ARHGEF18: variants seen among roughly 807,000 people sequenced by gnomAD.
ARHGEF18 encodes the protein Rho/Rac guanine nucleotide exchange factor 18.
A neutral mutation model predicts 155.7 loss-of-function variants in ARHGEF18; 93 were observed. That is an observed-to-expected ratio of 0.60 (90% CI 0.50 to 0.71). ARHGEF18 has a LOEUF of 0.71. Among genes scored for constraint, ARHGEF18 ranks in the 30% least tolerant of loss-of-function variants. ARHGEF18 has a pLI of 0.00. For missense variants in ARHGEF18, 1,593 were observed against 1,816.1 expected, an observed-to-expected ratio of 0.88 and a Z score of 2.23; for synonymous variants, 742 against 753.1, an observed-to-expected ratio of 0.99 and a Z score of 0.24.
chr19:7,418,398 A>G (rs957421771), intron 10 of ARHGEF18, among the ~76,000 whole-genome samples: 10 of 152,104 alleles, frequency 6.6e-5, no homozygotes, highest in African/African-American at 2.4e-4. Context: ...AACTGGGAGC[A>G]CAGGCGTGCA....
At chr19:7,475,410 T>C (rs1366329324), downstream of ARHGEF18, among the ~76,000 whole-genome samples, 1 of 152,130 alleles carries the variant, frequency 6.6e-6, no homozygotes, top group East Asian at 1.9e-4. Context: ...GATGGAATGT[T>C]CTAAGGTTGA....
intron 2 of ARHGEF18, among the ~76,000 whole-genome samples, chr19:7,363,753 AGATT>A (rs1049919167): frequency 2.1e-5 from 3 of 145,796 alleles, no homozygotes; most frequent in African/African-American, 7.7e-5. Context: ...GAAGATGGCT[AGATT>A]GATGAAAGGA....
At chr19:7,453,741 T>C in intron 17 of ARHGEF18, 26 bp downstream of exon 17, 2 of 1,516,926 alleles carry the variant, frequency 1.3e-6, no homozygotes, top group Non-Finnish European at 1.8e-6. Flanking sequence ...TGCCCACCTC[T>C]AGTGGGTGCC....
intron 2 of ARHGEF18, among the ~76,000 whole-genome samples, chr19:7,367,767 ATATATACACATATATATATTT>A (rs1390227995): frequency 4.7e-5 from 6 of 128,690 alleles, no homozygotes; most frequent in African/African-American, 1.8e-4. Flanking sequence ...AAATATATAT[ATATATACACATATATATATTT>A]TATATATATA....
At chr19:7,460,029 T>G (rs1421837160) in intron 20 of ARHGEF18, 35 bp downstream of exon 20, 2 of 1,542,306 alleles carry the variant, frequency 1.3e-6, no homozygotes, top group Non-Finnish European at 8.8e-7. Context: ...ACACCCCTTG[T>G]GTGGTGAGCC....
At position 7,469,068 on chromosome 19, in the gene ARHGEF18, T is replaced by C; in HGVS notation, c.3724T>C (p.Ser1242Pro). The change falls in exon 27 of 29, where the codon TCC (serine) becomes CCC (proline). Residue 1242 changes from serine (S) to proline (P), a missense_variant. By Grantham distance (74) the Ser-to-Pro change is moderately conservative (BLOSUM62 -1). Coordinates refer to ENST00000668164, the MANE Select transcript of ARHGEF18 (RefSeq NM_001367823.1). ...QQQIPTKLAA[S>P]TKGGKDKGGK... is the part of the protein sequence containing the mutation. Reference sequence around the variant, plus strand: ...GCAGATCCCCACCAAGCTGGCGGCCTCCACCAAGGGTGGCAAGGACAAGGG... The same window carrying C: ...GCAGATCCCCACCAAGCTGGCGGCCCCCACCAAGGGTGGCAAGGACAAGGG... 6.2e-7 allele frequency: 1 copy of C among 1,608,776 alleles called. No individual in the cohort carries two copies. The highest frequency in any genetic ancestry group is 8.5e-7 in the Non-Finnish European group (1 of 1,178,566).
chr19:7,375,289 GAAAAGAAAGAAAGAAAAGAAAGA>G (rs1970388872), intron 3 of ARHGEF18, among the ~76,000 whole-genome samples: 1 of 107,282 alleles, frequency 9.3e-6, no homozygotes, highest in Non-Finnish European at 1.9e-5. Context: ...AAAAAAGAAA[GAAAAGAAAGAAAGAAAAGAAAGA>G]AAAAGAAAGA....
intron 10 of ARHGEF18, among the ~76,000 whole-genome samples, chr19:7,432,472 C>CTTTTTG (rs1974023195): frequency 1.3e-5 from 2 of 151,986 alleles, no homozygotes; most frequent in Non-Finnish European, 2.9e-5. Context: ...TTGTTTCTTT[C>CTTTTTG]TTTTTGTTTT....
At chr19:7,425,458 C>T (rs193130340) in intron 10 of ARHGEF18, among the ~76,000 whole-genome samples, 49 of 150,794 alleles carry the variant, frequency 3.2e-4, no homozygotes, top group African/African-American at 1.1e-3. Context: ...GTGAGGCGGG[C>T]GGATCACGAG....
Position 7,378,384 on chromosome 19 carries a change from C to G in ARHGEF18, c.542-10C>G. 5 of 1,234,334 alleles carry G rather than the reference C, an allele frequency of 4.1e-6. No individual in the cohort carries two copies. Among genetic ancestry groups the G allele is most frequent in the Non-Finnish European group, 5.1e-6 (5 of 988,222 alleles). 76.5% of individuals were successfully genotyped at this position (1,234,334 alleles called of 1,614,324 possible). On this transcript the variant is annotated splice_polypyrimidine_tract_variant and intron_variant, in intron 5 of 28. Transcript: ENST00000668164. ...CAACTGTGCTTCCTGGGATGGGGGG[C>G]TTCTTCCAGGCCTGGAACCTCCAGT...
rs975240062 is a variant in ARHGEF18, at chr19:7,470,845, C to T, written c.*547C>T. The T allele has an allele frequency of 4.7e-5, 19 of 401,128 alleles. No homozygotes were observed. The highest frequency in any genetic ancestry group is 7.1e-5 in the Non-Finnish European group (16 of 226,282). The allele number at this position is 401,128 out of a possible 1,614,324, so 24.8% of individuals were successfully genotyped here. A position where few individuals can be genotyped will look rare whatever the true frequency, so the allele number is the denominator to read the frequency against. ...AATCCACTTCCCAAACAGAGCCCCA[C>T]GCAGGTTCACCATGAACCTCAGGGT... On this transcript the variant is annotated 3_prime_UTR_variant, in exon 29 of 29. Coordinates refer to ENST00000668164, the MANE Select transcript of ARHGEF18 (RefSeq NM_001367823.1). This position sits in a 1 kb window ranked among gnomAD's most constrained non-coding sequence, Gnocchi z 5.9.
In ARHGEF18 at chr19:7,470,628, G is replaced by A. The variant is rs1190656134; in HGVS notation, c.*330G>A. On this transcript the variant is annotated 3_prime_UTR_variant, in exon 29 of 29. Transcript: ENST00000668164. The surrounding 1 kb of genome is among the most constrained non-coding windows in gnomAD (Gnocchi z 5.9). ...TCCGGGTGGCGGGGAGATCAACTCC[G>A]AGCTGTTTTTCCGAGGCAGTGAGGA... The A allele has an allele frequency of 7.6e-6, 3 of 397,142 alleles. No individual in the cohort carries two copies. The highest frequency in any genetic ancestry group is 7.1e-5 in the East Asian group (2 of 27,994). 24.6% of individuals were successfully genotyped at this position (397,142 alleles called of 1,614,324 possible). A position where few individuals can be genotyped will look rare whatever the true frequency, so the allele number is the denominator to read the frequency against.
chr19:7,383,116 G>A lies in ARHGEF18; in HGVS notation c.880G>A (p.Glu294Lys). ...GGGCCAGGATGCACGAGAGAGGCGG[G>A]AGTGTGTCAATGGGCACCAGCTGTT... The part of the protein sequence containing the change: ...DKGQDARERR[E>K]CVNGHQLLQG... The change falls in exon 10 of 29, where the codon GAG becomes AAG. Residue 294 changes from glutamate to lysine, a missense_variant. Glu to Lys is a moderately conservative substitution (Grantham distance 56). Coordinates refer to ENST00000668164, the MANE Select transcript of ARHGEF18 (RefSeq NM_001367823.1). The A allele has an allele frequency of 2.4e-6, 3 of 1,232,304 alleles. No individual in the cohort carries two copies. The highest frequency in any genetic ancestry group is 3.0e-6 in the Non-Finnish European group (3 of 988,088). The allele number at this position is 1,232,304 out of a possible 1,614,324, so 76.3% of individuals were successfully genotyped here. A position where few individuals can be genotyped will look rare whatever the true frequency, so the allele number is the denominator to read the frequency against.
rs572768191 is a variant in ARHGEF18 at position 7,380,951 on chromosome 19, G to A, written c.679G>A (p.Gly227Arg). The A allele has an allele frequency of 2.2e-4, 273 of 1,232,188 alleles. No individual in the cohort carries two copies. The highest frequency in any genetic ancestry group is 2.5e-4 in the Non-Finnish European group (249 of 987,990). The allele number at this position is 1,232,188 out of a possible 1,614,324, so 76.3% of individuals were successfully genotyped here. ...GAGGGCTTGCATGTCAGCCAGCCCC[G>A]GAGGAGCCCACTCGAACCTGACCTG... ...RQRACMSASP[G>R]GAHSNLTWFE... is the part of the protein sequence containing the mutation. Residue 227 changes from glycine to arginine, a missense_variant, in exon 8 of 29, where the codon GGA becomes AGA. Gly to Arg is a moderately radical substitution (Grantham distance 125). Transcript: ENST00000668164.
At chr19:7,430,816 G>A (rs1973915487) in intron 10 of ARHGEF18, among the ~76,000 whole-genome samples, 1 of 151,864 alleles carries the variant, frequency 6.6e-6, no homozygotes, top group Non-Finnish European at 1.5e-5. Context: ...AAATAAATAA[G>A]TAAATAAAAT....
intron 15 of ARHGEF18, 34 bp downstream of exon 15, chr19:7,447,202 A>G: frequency 6.4e-7 from 1 of 1,564,180 alleles, no homozygotes; most frequent in Non-Finnish European, 8.7e-7. Context: ...TCAAAAACTT[A>G]TATTCTGGCC....
chr19:7,373,478 T>G (rs899594948), intron 3 of ARHGEF18, among the ~76,000 whole-genome samples: 3 of 102,054 alleles, frequency 2.9e-5, no homozygotes, highest in African/African-American at 1.6e-4. Flanking sequence ...TTTTTTTTTG[T>G]TTTTGTTTTT....
At chr19:7,451,121 A>T in intron 15 of ARHGEF18, 28 bp from the exon 16 acceptor site, 2 of 1,592,554 alleles carry the variant, frequency 1.3e-6, no homozygotes, top group Non-Finnish European at 8.6e-7. Flanking sequence ...TGAGATGTTA[A>T]TACAGGATCT....
At chr19:7,439,668 GC>G (rs2145767985) in intron 10 of ARHGEF18, 1 of 1,192,734 alleles carries the variant, frequency 8.4e-7, no homozygotes, top group East Asian at 4.1e-5. Context: ...CTGTTCGAGT[GC>G]TGATGACCAG....
Sources: allele counts gnomAD v4.1 joint callset (sites outside exome capture counted in the v4.1 genomes callset), GRCh38; gene constraint gnomAD v4.1.1; non-coding constraint Gnocchi (gnomAD v3.1); transcripts MANE v1.5; gene names NCBI Gene and HGNC (gene_info 2026-07-23, HGNC 2026-07-21).